Variants in PAMR1 observed in about 807,000 individuals in gnomAD.
The protein encoded by PAMR1 is peptidase domain containing associated with muscle regeneration 1.
In PAMR1, 88 loss-of-function variants were observed where a neutral mutation model predicts 81.8. The observed-to-expected ratio is 1.08, with a 90% CI of 0.91 to 1.28. PAMR1 has a LOEUF of 1.28. Among genes scored for constraint, PAMR1 ranks in the 50% most tolerant of loss-of-function variants. The probability of loss-of-function intolerance (pLI) is 0.00; values close to 1 mark genes in which losing one functional copy is unlikely to be tolerated. For synonymous variants in PAMR1, 336 were observed against 345.3 expected (o/e 0.97, Z 0.30); for missense variants, 935 against 919.7 (o/e 1.02, Z -0.21).
intron 1 of PAMR1, among the ~76,000 whole-genome samples, chr11:35,510,219 A>C (rs139452353): frequency 1.4e-3 from 216 of 152,300 alleles, no homozygotes; most frequent in African/African-American, 4.8e-3. Flanking sequence ...CCACAATTGC[A>C]CAGCCTCCCC....
chr11:35,497,492 G>A (rs1296425118), intron 1 of PAMR1, among the ~76,000 whole-genome samples: 1 of 152,174 alleles, frequency 6.6e-6, no homozygotes, highest in African/African-American at 2.4e-5. Flanking sequence ...AGATACAGGT[G>A]ATGGTTGCAC....
chr11:35,473,811 C>A (rs973175962), intron 4 of PAMR1, among the ~76,000 whole-genome samples: 1 of 152,080 alleles, frequency 6.6e-6, no homozygotes, highest in Non-Finnish European at 1.5e-5. Flanking sequence ...GATTTTAAAT[C>A]CGTTCACTGT....
At chr11:35,484,475 A>G (rs190423564) in intron 3 of PAMR1, among the ~76,000 whole-genome samples, 4 of 152,308 alleles carry the variant, frequency 2.6e-5, no homozygotes, top group Admixed American at 6.5e-5. Context: ...GCAGCCCCGA[A>G]AGTCAGTAAC....
At chr11:35,452,196 A>T (rs189284250) in intron 6 of PAMR1, among the ~76,000 whole-genome samples, 243 of 152,374 alleles carry the variant, frequency 1.6e-3, no homozygotes, top group Non-Finnish European at 2.7e-3. Context: ...AAACACATGG[A>T]ACTGAAAAGT....
chr11:35,499,350 G>GT (rs35758655), intron 1 of PAMR1, among the ~76,000 whole-genome samples: 22 of 152,164 alleles, frequency 1.4e-4, no homozygotes, highest in Non-Finnish European at 2.9e-4. Flanking sequence ...TGCCCATGGG[G>GT]TGTGGCTCAT....
chr11:35,439,662 C>T lies in PAMR1; in HGVS notation c.1065G>A (p.Val355=). The part of the protein sequence containing the change: ...ACREPKISDL[V]RRRVLPMQVQ... ...CCTGCATCGGAAGAACTCTCCTTCT[C>T]ACCAGGTCTGAAATCTTTGGTTCTC... is the stretch of plus-strand genomic sequence containing the variant. The change falls in exon 8 of 11, where the codon GTG becomes GTA. Residue 355 remains valine (V), a synonymous_variant. Transcript: ENST00000619888. 1 of 1,614,062 alleles carries T rather than the reference C, an allele frequency of 6.2e-7. No homozygotes were observed. The highest frequency in any genetic ancestry group is 1.3e-5 in the African/African-American group (1 of 75,044).
intron 8 of PAMR1, among the ~76,000 whole-genome samples, chr11:35,438,149 C>A (rs201552791): frequency 6.6e-6 from 1 of 152,130 alleles, no homozygotes; most frequent in Non-Finnish European, 1.5e-5. Flanking sequence ...GGGAGCAGAC[C>A]AGGAAGCCAG....
In PAMR1 at chr11:35,492,206, C is replaced by A. The variant is rs1457628738; in HGVS notation, c.251-33G>T. Reference sequence around the variant, plus strand: ...ATTCCCAAGAAGAGGAGTGTTAGGCCAAAGCACCTGCGAGTTCTGATCAGC... The same window carrying A: ...ATTCCCAAGAAGAGGAGTGTTAGGCAAAAGCACCTGCGAGTTCTGATCAGC... On this transcript the variant is annotated intron_variant, in intron 2 of 10. Transcript: ENST00000619888. The A allele has an allele frequency of 1.9e-6, 3 of 1,612,182 alleles. No homozygotes were observed. In the East Asian group the frequency reaches 6.7e-5, roughly 36 times the overall value.
upstream of PAMR1, among the ~76,000 whole-genome samples, chr11:35,526,297 AGTTTTCCTCTTCCTGTGATCCCCACGATG>A (rs1416211837): frequency 6.6e-6 from 1 of 152,106 alleles, no homozygotes; most frequent in African/African-American, 2.4e-5. Context: ...TACTGGAAAA[AGTTTTCCTCTTCCTGTGATCCCCACGATG>A]GTGAATTCAG....
chr11:35,499,109 A>G (rs1333601083), intron 1 of PAMR1, among the ~76,000 whole-genome samples: 1 of 152,066 alleles, frequency 6.6e-6, no homozygotes, highest in African/African-American at 2.4e-5. Flanking sequence ...CTTAAGAGCT[A>G]CCCTTCCTTC....
chr11:35,462,912 GC>G (rs1856687642), intron 6 of PAMR1, among the ~76,000 whole-genome samples: 1 of 152,158 alleles, frequency 6.6e-6, no homozygotes, highest in South Asian at 2.1e-4. Context: ...AGATGCACCT[GC>G]CTTCTGTGTA....
intron 1 of PAMR1, among the ~76,000 whole-genome samples, chr11:35,495,548 A>G (rs936054010): frequency 2.0e-5 from 3 of 152,170 alleles, no homozygotes; most frequent in African/African-American, 7.2e-5. Context: ...AAAATTTTGC[A>G]CAAAGATGAC....
At chr11:35,457,212 A>G (rs1490025961) in intron 6 of PAMR1, among the ~76,000 whole-genome samples, 1 of 152,190 alleles carries the variant, frequency 6.6e-6, no homozygotes, top group Non-Finnish European at 1.5e-5. Context: ...GCTCTCCCCC[A>G]GTGTGGGCAG....
chr11:35,494,054 A>G (rs781418486), intron 2 of PAMR1, 42 bp downstream of exon 2: 1 of 1,557,304 alleles, frequency 6.4e-7, no homozygotes, highest in South Asian at 1.1e-5. Context: ...CATTACCTCC[A>G]ACAACATGAA....
chr11:35,469,863 A>T (rs548903332), intron 5 of PAMR1, among the ~76,000 whole-genome samples: 1 of 152,066 alleles, frequency 6.6e-6, no homozygotes, highest in South Asian at 2.1e-4. Context: ...ATGCAATCTG[A>T]TCTCAGAACG....
intron 6 of PAMR1, among the ~76,000 whole-genome samples, chr11:35,459,005 C>T (rs1856594656): frequency 6.6e-6 from 1 of 152,202 alleles, no homozygotes; most frequent in South Asian, 2.1e-4. Context: ...CCCTTTCCAG[C>T]CAATGGAATT....
At chr11:35,527,877 C>A (rs1851416598), upstream of PAMR1, among the ~76,000 whole-genome samples, 1 of 152,046 alleles carries the variant, frequency 6.6e-6, no homozygotes. Context: ...CCTAAACCAC[C>A]AGGGCCCACC....
intron 1 of PAMR1, among the ~76,000 whole-genome samples, chr11:35,518,262 A>G (rs1851205689): frequency 6.6e-6 from 1 of 151,890 alleles, no homozygotes; most frequent in African/African-American, 2.4e-5. Flanking sequence ...GTAGGTTGAA[A>G]ATTATAGGAG....
At chr11:35,528,983 G>A (rs1851429607), upstream of PAMR1, 1 of 152,188 alleles carries the variant, frequency 6.6e-6, no homozygotes, top group South Asian at 2.1e-4. Context: ...CCCAGGGCTG[G>A]AAGAGAAAGA....
Sources: gnomAD v4.1 joint callset for allele counts (sites outside exome capture counted in the v4.1 genomes callset) on GRCh38, gnomAD v4.1.1 for gene constraint, MANE v1.5 for transcripts, NCBI Gene and HGNC (gene_info 2026-07-23, HGNC 2026-07-21) for gene names.